The following CRISPLD2 variants were observed in gnomAD, a reference collection of about 807,000 sequenced individuals.
CRISPLD2 encodes the protein cysteine-rich secretory protein LCCL domain-containing 2.
CRISPLD2 carries 47 observed loss-of-function variants against 71.1 expected under a neutral mutation model. The ratio of observed to expected loss-of-function variants is 0.66; its 90% CI spans 0.52 to 0.84. The LOEUF (loss-of-function observed/expected upper bound fraction) is 0.84. CRISPLD2 is among the 40% of genes least tolerant of loss of function. CRISPLD2 has a pLI of 0.00. For synonymous variants in CRISPLD2, 317 were observed against 250.1 expected (o/e 1.27, Z -2.52); for missense variants, 830 against 651.1 (o/e 1.27, Z -2.99).
chr16:84,893,201 G>A (rs2934475), intron 14 of CRISPLD2, among the ~76,000 whole-genome samples: 89,931 of 151,600 alleles, frequency 0.59, 27,290 homozygotes, highest in East Asian at 0.87. Flanking sequence ...AGTCTCCCTG[G>A]GCCTTGGCAG....
intron 12 of CRISPLD2, among the ~76,000 whole-genome samples, 167 bp from the exon 13 acceptor site, chr16:84,880,342 T>C (rs1293659869): frequency 6.6e-6 from 1 of 152,204 alleles, no homozygotes; most frequent in Non-Finnish European, 1.5e-5. Flanking sequence ...TATCTTTACC[T>C]CTGCTGAGGG....
chr16:84,838,347 G>A (rs774887151), intron 1 of CRISPLD2, 75 bp from the exon 2 acceptor site: 7 of 915,110 alleles, frequency 7.6e-6, no homozygotes, highest in South Asian at 1.6e-5. Context: ...TGTGTGCTGC[G>A]TTCGCTGCTC....
Position 84,872,351 on chromosome 16 carries a change from A to G in CRISPLD2, c.915-91A>G, listed in dbSNP as rs908153058. 2.6e-5 allele frequency: 27 copies of G among 1,051,892 alleles called. No individual in the cohort carries two copies. In the Admixed American group the frequency reaches 2.7e-4, roughly 11 times the overall value. 65.2% of individuals were successfully genotyped at this position (1,051,892 alleles called of 1,614,324 possible). A position where few individuals can be genotyped will look rare whatever the true frequency, so the allele number is the denominator to read the frequency against. On this transcript the variant is annotated intron_variant, in intron 8 of 14. Coordinates refer to ENST00000262424, the MANE Select transcript of CRISPLD2 (RefSeq NM_031476.4). ...GAATGAAGCTTTTCTATATTTAGTA[A>G]TAGAGCCATCGATGAAAAAAATGAT...
chr16:84,898,366 C>T (rs1219099873), intron 14 of CRISPLD2, among the ~76,000 whole-genome samples: 5 of 152,276 alleles, frequency 3.3e-5, no homozygotes, highest in Admixed American at 6.5e-5. Context: ...GGCCCCTGCC[C>T]GCTCCCCCAC....
intron 1 of CRISPLD2, 29 bp from the exon 2 acceptor site, chr16:84,838,393 T>A: frequency 6.9e-7 from 1 of 1,441,610 alleles, no homozygotes; most frequent in Non-Finnish European, 9.4e-7. Flanking sequence ...CTAATGCGAC[T>A]TCTCCCACCA....
At position 84,907,283 on chromosome 16, in the gene CRISPLD2, G is replaced by A. The variant is rs12445556; in HGVS notation, c.*641G>A. On this transcript the variant is annotated 3_prime_UTR_variant, in exon 15 of 15. Coordinates refer to ENST00000262424, the MANE Select transcript of CRISPLD2 (RefSeq NM_031476.4). The stretch of plus-strand genomic sequence containing the variant: ...CCGCCACAGGCCCCCTTCAATGGCC[G>A]CATTCAGGATGGCTCTATACACAGC... The A allele has an allele frequency of 0.011, 1,753 of 162,014 alleles. 14 individuals are homozygous for A. The highest frequency in any genetic ancestry group is 0.025 in the Middle Eastern group (8 of 314). 10.0% of individuals were successfully genotyped at this position (162,014 alleles called of 1,614,324 possible). A position where few individuals can be genotyped will look rare whatever the true frequency, so the allele number is the denominator to read the frequency against.
At chr16:84,875,176 G>C (rs2071506790) in intron 11 of CRISPLD2, among the ~76,000 whole-genome samples, 1 of 152,100 alleles carries the variant, frequency 6.6e-6, no homozygotes, top group Non-Finnish European at 1.5e-5. Context: ...GGAAACTTGA[G>C]GCTGCAATGA....
intron 1 of CRISPLD2, among the ~76,000 whole-genome samples, chr16:84,835,144 G>C (rs1916585490): frequency 6.6e-6 from 1 of 152,064 alleles, no homozygotes. Context: ...AGGCTAGAGT[G>C]CAATGGCATG....
chr16:84,847,281 G>T (rs1461942335), intron 3 of CRISPLD2, among the ~76,000 whole-genome samples: 1 of 152,222 alleles, frequency 6.6e-6, no homozygotes, highest in Non-Finnish European at 1.5e-5. Context: ...AGGTGTCATG[G>T]TGGATCGACC....
rs541850470 is a variant in CRISPLD2, at chr16:84,872,395, A to G, written c.915-47A>G. 2.1e-4 allele frequency: 313 copies of G among 1,456,168 alleles called. 3 individuals carry two copies. The South Asian group carries it at 2.7e-3, about 13-fold the overall frequency. The allele number at this position is 1,456,168 out of a possible 1,614,324, so 90.2% of individuals were successfully genotyped here. On this transcript the variant is annotated intron_variant, in intron 8 of 14. Coordinates refer to ENST00000262424, the MANE Select transcript of CRISPLD2 (RefSeq NM_031476.4). Reference sequence around the variant, plus strand: ...AAATGATAAACTCATTGTGAGATGTAATCAACGTGCTTATCTCTGAACATC... The same window carrying G: ...AAATGATAAACTCATTGTGAGATGTGATCAACGTGCTTATCTCTGAACATC...
chr16:84,866,998 A>G lies in CRISPLD2; in HGVS notation c.811A>G (p.Arg271Gly). The G allele has an allele frequency of 6.2e-7, 1 of 1,614,088 alleles. No homozygotes were observed. The highest frequency in any genetic ancestry group is 1.1e-5 in the South Asian group (1 of 91,066). ...NHVWLQPRVM[R>G]PTKPKKTSAV... ...TGTTTGGCTCCAACCGAGGGTGATG[A>G]GACCCACCAAGCCCAAGAAAACCTC... The change falls in exon 7 of 15, where the codon AGA becomes GGA. Residue 271 changes from arginine to glycine, a missense_variant. Physicochemically the swap from Arg to Gly is moderately radical, Grantham distance 125. Transcript: ENST00000262424.
At position 84,839,789 on chromosome 16, in the gene CRISPLD2, G is replaced by A. The variant is rs147954748; in HGVS notation, c.240+1054G>A. The A allele has an allele frequency of 7.8e-3, 1,185 of 152,220 alleles. 6 individuals carry two copies. Among genetic ancestry groups the A allele is most frequent in the Non-Finnish European group, 0.012 (831 of 68,038 alleles). The allele number at this position is 152,220 out of a possible 1,614,324, so 9.4% of individuals were successfully genotyped here. A position where few individuals can be genotyped will look rare whatever the true frequency, so the allele number is the denominator to read the frequency against. On this transcript the variant is annotated intron_variant, in intron 2 of 14. Transcript: ENST00000262424. ...TGAATGGCTTTTTAAACAAACCCACGTCCCAGCCTGGGTAACATGGTAAAG... is the reference window on the plus strand; with the variant it reads ...TGAATGGCTTTTTAAACAAACCCACATCCCAGCCTGGGTAACATGGTAAAG...
chr16:84,902,050 C>G (rs755465561), intron 14 of CRISPLD2, among the ~76,000 whole-genome samples: 3 of 151,712 alleles, frequency 2.0e-5, no homozygotes, highest in East Asian at 3.9e-4. Flanking sequence ...CTGCCGGCCT[C>G]GACCTCTCAA....
intron 5 of CRISPLD2, 58 bp downstream of exon 5, chr16:84,850,741 G>A: frequency 7.3e-7 from 1 of 1,367,804 alleles, no homozygotes; most frequent in Non-Finnish European, 1.0e-6. Context: ...TGCTTGCCAG[G>A]GAGCACCCAG....
chr16:84,865,766 T>C (rs906971455), intron 6 of CRISPLD2, among the ~76,000 whole-genome samples: 2 of 152,222 alleles, frequency 1.3e-5, no homozygotes, highest in African/African-American at 4.8e-5. Context: ...GGTGGCCTGA[T>C]TGCAGATTCT....
At chr16:84,860,198 G>T (rs1288894363) in intron 6 of CRISPLD2, among the ~76,000 whole-genome samples, 1 of 152,116 alleles carries the variant, frequency 6.6e-6, no homozygotes, top group African/African-American at 2.4e-5. Flanking sequence ...AAACAGTGAA[G>T]AACCTTTTTT....
chr16:84,889,118 G>T (rs1356748196), intron 13 of CRISPLD2, 112 bp from the exon 14 acceptor site: 3 of 1,332,166 alleles, frequency 2.3e-6, no homozygotes, highest in Non-Finnish European at 2.1e-6. Context: ...AGGGTTGATG[G>T]GGTCCACATC....
At chr16:84,871,941 C>G (rs1371411729) in intron 8 of CRISPLD2, among the ~76,000 whole-genome samples, 1 of 148,278 alleles carries the variant, frequency 6.7e-6, no homozygotes, top group East Asian at 2.0e-4. Context: ...CAACCGGCCT[C>G]TGATTCAACC....
At chr16:84,830,575 C>T (rs1916463784) in intron 1 of CRISPLD2, among the ~76,000 whole-genome samples, 1 of 152,010 alleles carries the variant, frequency 6.6e-6, no homozygotes, top group Non-Finnish European at 1.5e-5. Flanking sequence ...TGGTGGCATG[C>T]ACCTCTAGTC....
Sources: gnomAD v4.1 joint callset for allele counts (sites outside exome capture counted in the v4.1 genomes callset) on GRCh38, gnomAD v4.1.1 for gene constraint, MANE v1.5 for transcripts, NCBI Gene and HGNC (gene_info 2026-07-23, HGNC 2026-07-21) for gene names.